PDCD7: variants seen among roughly 807,000 people sequenced by gnomAD.
The protein encoded by PDCD7 is programmed cell death 7, also known as programmed cell death protein 7.
In PDCD7, 40 loss-of-function variants were observed where a neutral mutation model predicts 42.1. The ratio of observed to expected loss-of-function variants is 0.95; its 90% CI spans 0.74 to 1.24. PDCD7 has a LOEUF of 1.24. Among genes scored for constraint, PDCD7 ranks in the 50% most tolerant of loss-of-function variants. PDCD7 has a pLI of 0.00. For missense variants in PDCD7, 644 were observed against 662.8 expected (o/e 0.97, Z 0.31); for synonymous variants, 299 against 303.3 (o/e 0.99, Z 0.15).
rs148209274 is a variant in PDCD7 at position 65,125,694 on chromosome 15, C to T, written c.1009+3338G>A. Reference sequence around the variant, plus strand: ...CACATATTTATTAATTTAATCCTCACGACACCCCATGGGTAGGTACTATCA... The same window carrying T: ...CACATATTTATTAATTTAATCCTCATGACACCCCATGGGTAGGTACTATCA... On this transcript the variant is annotated intron_variant, in intron 2 of 4. Coordinates refer to ENST00000204549, the MANE Select transcript of PDCD7 (RefSeq NM_005707.2). Among the ~76,000 whole-genome samples the T allele has an allele frequency of 4.7e-3, 716 of 152,278 alleles. 10 individuals are homozygous for T. The highest frequency in any genetic ancestry group is 0.016 in the African/African-American group (670 of 41,538).
chr15:65,124,464 A>AACAGC (rs1043601898), intron 2 of PDCD7, among the ~76,000 whole-genome samples: 3 of 151,618 alleles, frequency 2.0e-5, no homozygotes, highest in African/African-American at 7.3e-5. Flanking sequence ...AAGAAAAAGA[A>AACAGC]ACAGCACTTC....
rs201771438 is a variant in PDCD7, at chr15:65,118,877, G to C, written c.1335-37C>G. On this transcript the variant is annotated intron_variant, in intron 4 of 4. Coordinates refer to ENST00000204549, the MANE Select transcript of PDCD7 (RefSeq NM_005707.2). ...CATTATAGAACAACTATTTATTTCTGTTTTATTCCAAATAAGATGTTCAGC... is the reference window on the plus strand; with the variant it reads ...CATTATAGAACAACTATTTATTTCTCTTTTATTCCAAATAAGATGTTCAGC... 28 of 1,451,422 alleles carry C rather than the reference G, an allele frequency of 1.9e-5. No individual in the cohort carries two copies. The African/African-American group carries it at 2.9e-4, about 15-fold the overall frequency. 89.9% of individuals were successfully genotyped at this position (1,451,422 alleles called of 1,614,324 possible).
intron 3 of PDCD7, 80 bp downstream of exon 3, chr15:65,119,638 T>G (rs1048280252): frequency 6.8e-7 from 1 of 1,467,416 alleles, no homozygotes; most frequent in African/African-American, 1.4e-5. Context: ...GCCTACCACC[T>G]CTTAGCTTGA....
Position 65,129,165 on chromosome 15 carries a change from C to G in PDCD7, c.876G>C (p.Gln292His). 9 of 1,613,796 alleles carry G rather than the reference C, an allele frequency of 5.6e-6. No homozygotes were observed. The highest frequency in any genetic ancestry group is 7.6e-6 in the Non-Finnish European group (9 of 1,179,866). Residue 292 changes from glutamine to histidine, a missense_variant, in exon 2 of 5, where the codon CAG becomes CAC. Gln to His is a conservative substitution (Grantham distance 24). Transcript: ENST00000204549. The stretch of plus-strand genomic sequence containing the variant: ...CGCCATCAGCGGCTGCTTTGAGTTC[C>G]TGCTCCTGGAAGAGAAACAAAGCCC... Reference protein sequence around the residue: ...VQEVEEKKREQELKAAADGVL... With the variant: ...VQEVEEKKREHELKAAADGVL...
In PDCD7 at chr15:65,119,433, G is replaced by A. The variant is rs762303369; in HGVS notation, c.1277C>T (p.Pro426Leu). ...GGCTTGGAGATAATACTGTCGGAAA[G>A]GCTCCAAGAGGTGAGCAAGTGGGAA... The part of the protein sequence containing the change: ...DEFPLAHLLE[P>L]FRQYYLQAEH... Residue 426 changes from proline (P) to leucine (L), a missense_variant, in exon 4 of 5, where the codon CCT (proline) becomes CTT (leucine). Physicochemically the swap from Pro to Leu is moderately conservative, Grantham distance 98 (BLOSUM62 -3). Coordinates refer to ENST00000204549, the MANE Select transcript of PDCD7 (RefSeq NM_005707.2). 1.2e-6 allele frequency: 2 copies of A among 1,613,886 alleles called. No homozygotes were observed. Among genetic ancestry groups the A allele is most frequent in the Non-Finnish European group, 1.7e-6 (2 of 1,179,800 alleles).
chr15:65,132,960 A>C lies in PDCD7; in HGVS notation c.822T>G (p.Ile274Met), dbSNP rs1431436895. 6.2e-7 allele frequency: 1 copy of C among 1,606,456 alleles called. No individual in the cohort carries two copies. Among genetic ancestry groups the C allele is most frequent in the South Asian group, 1.1e-5 (1 of 91,072 alleles). Residue 274 changes from isoleucine to methionine, a missense_variant, in exon 1 of 5, where the codon ATT (isoleucine) becomes ATG (methionine). Ile to Met is a conservative substitution (Grantham distance 10, BLOSUM62 1). Coordinates refer to ENST00000204549, the MANE Select transcript of PDCD7 (RefSeq NM_005707.2). ...AARAVEREQE[I>M]DRWRVKCVQE... is the part of the protein sequence containing the mutation. Reference sequence around the variant, plus strand: ...GCACACACTTCACCCTCCAGCGGTCAATCTCCTGCTCGCGTTCCACTGCCC... The same window carrying C: ...GCACACACTTCACCCTCCAGCGGTCCATCTCCTGCTCGCGTTCCACTGCCC...
intron 2 of PDCD7, among the ~76,000 whole-genome samples, chr15:65,124,332 G>A (rs1171521399): frequency 6.6e-6 from 1 of 151,982 alleles, no homozygotes; most frequent in Non-Finnish European, 1.5e-5. Context: ...GGCTGAGGCA[G>A]GAGAATCGCT....
Position 65,133,248 on chromosome 15 carries a change from C to A in PDCD7, c.534G>T (p.Leu178Phe). The change falls in exon 1 of 5, where the codon TTG (leucine) becomes TTT (phenylalanine). Residue 178 changes from leucine to phenylalanine, a missense_variant. By Grantham distance (22) the Leu-to-Phe change is conservative. Transcript: ENST00000204549. ...GCCGCACCAGGCGCAGAGCCCGGAG[C>A]AATCGCGCGCGCACTTCGCCAAGGC... ...GPSLGEVRAR[L>F]LRALRLVRRL... 1.5e-6 allele frequency: 2 copies of A among 1,352,818 alleles called. No homozygotes were observed. The highest frequency in any genetic ancestry group is 9.4e-7 in the Non-Finnish European group (1 of 1,060,496). 83.8% of individuals were successfully genotyped at this position (1,352,818 alleles called of 1,614,324 possible).
chr15:65,121,027 A>ACAC (rs1428176943), intron 2 of PDCD7, among the ~76,000 whole-genome samples: 1 of 149,758 alleles, frequency 6.7e-6, no homozygotes, highest in African/African-American at 2.5e-5. Flanking sequence ...TGGATCATCC[A>ACAC]CACCACTTAA....
chr15:65,126,534 G>A (rs2087497437), intron 2 of PDCD7, among the ~76,000 whole-genome samples: 1 of 151,962 alleles, frequency 6.6e-6, no homozygotes, highest in African/African-American at 2.4e-5. Context: ...TGGGAGAATC[G>A]CTTGAGCCCA....
In PDCD7 at chr15:65,119,818, C is replaced by T. The variant is rs2087438002; in HGVS notation, c.1146G>A (p.Glu382=). The T allele has an allele frequency of 6.2e-7, 1 of 1,613,746 alleles. No individual in the cohort carries two copies. Among genetic ancestry groups the T allele is most frequent in the African/African-American group, 1.3e-5 (1 of 74,994 alleles). Residue 382 remains glutamate, a synonymous_variant, in exon 3 of 5, where the codon GAG becomes GAA. Coordinates refer to ENST00000204549, the MANE Select transcript of PDCD7 (RefSeq NM_005707.2). ...TTTCTAATTCTCTTTTCCTCTCTTC[C>T]TCTTGTTCTCCTTCTAGCATAACTC... The part of the protein sequence containing the change: ...ALRVMLEGEQ[E]EERKRELEKK...
Position 65,119,443 on chromosome 15 carries a change from G to A in PDCD7, c.1267C>T (p.Leu423Phe). 2.5e-6 allele frequency: 4 copies of A among 1,613,572 alleles called. No homozygotes were observed. Among genetic ancestry groups the A allele is most frequent in the Non-Finnish European group, 3.4e-6 (4 of 1,179,532 alleles). ...GDPDEFPLAH[L>F]LEPFRQYYLQ... is the part of the protein sequence containing the mutation. The stretch of plus-strand genomic sequence containing the variant: ...TAATACTGTCGGAAAGGCTCCAAGA[G>A]GTGAGCAAGTGGGAACTCATCTGAA... Residue 423 changes from leucine (L) to phenylalanine (F), a missense_variant, in exon 4 of 5, where the codon CTC (leucine) becomes TTC (phenylalanine). Coordinates refer to ENST00000204549, the MANE Select transcript of PDCD7 (RefSeq NM_005707.2).
chr15:65,125,514 C>G (rs2087488613), intron 2 of PDCD7, among the ~76,000 whole-genome samples: 1 of 152,186 alleles, frequency 6.6e-6, no homozygotes, highest in South Asian at 2.1e-4. Flanking sequence ...CTTCTACCCC[C>G]ACCACTCCAC....
Position 65,118,579 on chromosome 15 carries a change from G to C in PDCD7, c.*138C>G. 1 of 866,718 alleles carries C rather than the reference G, an allele frequency of 1.2e-6. No individual in the cohort carries two copies. Among genetic ancestry groups the C allele is most frequent in the Non-Finnish European group, 1.7e-6 (1 of 603,306 alleles). The allele number at this position is 866,718 out of a possible 1,614,324, so 53.7% of individuals were successfully genotyped here. On this transcript the variant is annotated 3_prime_UTR_variant, in exon 5 of 5. Transcript: ENST00000204549. The stretch of plus-strand genomic sequence containing the variant: ...CTCTGGCCAGCACAGAGCACAGAAG[G>C]AAAGCATAACTTCAGGGTAGGGGAA...
chr15:65,127,370 T>C (rs967345023), intron 2 of PDCD7, among the ~76,000 whole-genome samples: 5 of 146,562 alleles, frequency 3.4e-5, no homozygotes, highest in South Asian at 2.1e-4. Flanking sequence ...GGCAGGAGAA[T>C]GGCGTGAACC....
Position 65,132,911 on chromosome 15 carries a change from C to G in PDCD7, c.870+1G>C. 6.2e-7 allele frequency: 1 copy of G among 1,603,066 alleles called. No homozygotes were observed. Among genetic ancestry groups the G allele is most frequent in the Non-Finnish European group, 8.5e-7 (1 of 1,179,678 alleles). ...CCCCCATGAGCGGCCGCTGCTCTCA[C>G]CCGCTTCTTCTCCTCCACCTCCTGC... On this transcript the variant is annotated splice_donor_variant, in intron 1 of 4. Transcript: ENST00000204549. LOFTEE classifies it high-confidence loss of function.
Position 65,129,158 on chromosome 15 carries a change from T to C in PDCD7, c.883A>G (p.Lys295Glu). The change falls in exon 2 of 5, where the codon AAA becomes GAA. Residue 295 changes from lysine to glutamate, a missense_variant. Physicochemically the swap from Lys to Glu is moderately conservative, Grantham distance 56 (BLOSUM62 1). Transcript: ENST00000204549. ...VEEKKREQEL[K>E]AAADGVLSEV... is the part of the protein sequence containing the mutation. ...GATAGTACGCCATCAGCGGCTGCTT[T>C]GAGTTCCTGCTCCTGGAAGAGAAAC... 6.2e-7 allele frequency: 1 copy of C among 1,613,900 alleles called. No homozygotes were observed. Among genetic ancestry groups the C allele is most frequent in the South Asian group, 1.1e-5 (1 of 91,076 alleles).
At chr15:65,128,160 G>C (rs2140584148) in intron 2 of PDCD7, among the ~76,000 whole-genome samples, 1 of 152,290 alleles carries the variant, frequency 6.6e-6, no homozygotes, top group Non-Finnish European at 1.5e-5. Flanking sequence ...TGTTAGAGTG[G>C]CATTTGCTAA....
chr15:65,120,131 C>T (rs530318647), intron 2 of PDCD7, among the ~76,000 whole-genome samples, 177 bp from the exon 3 acceptor site: 2 of 152,184 alleles, frequency 1.3e-5, no homozygotes, highest in South Asian at 4.2e-4. Flanking sequence ...CAAGTGTGCA[C>T]CACCATGCCT....
Sources: gnomAD v4.1 joint callset for allele counts (sites outside exome capture counted in the v4.1 genomes callset) on GRCh38, gnomAD v4.1.1 for gene constraint, MANE v1.5 for transcripts, NCBI Gene and HGNC (gene_info 2026-07-23, HGNC 2026-07-21) for gene names.